ARNT2: variants seen among roughly 807,000 people sequenced by gnomAD.
ARNT2 encodes the protein aryl hydrocarbon receptor nuclear translocator 2, also known as ARNT protein 2.
A neutral mutation model predicts 91.7 loss-of-function variants in ARNT2; 36 were observed. The observed-to-expected ratio is 0.39, with a 90% CI of 0.30 to 0.52. The LOEUF (loss-of-function observed/expected upper bound fraction) is 0.52, where lower values mean the gene tolerates loss of function less well. Ranked by LOEUF, ARNT2 falls within the 20% of genes least tolerant of loss-of-function variation. The pLI is 0.72. For synonymous variants in ARNT2, 365 were observed against 347.1 expected, an observed-to-expected ratio of 1.05 and a Z score of -0.57; for missense variants, 775 against 939.3, an observed-to-expected ratio of 0.83 and a Z score of 2.29.
chr15:80,492,067 G>T (rs891316179), intron 5 of ARNT2, among the ~76,000 whole-genome samples: 1 of 151,688 alleles, frequency 6.6e-6, no homozygotes, highest in Non-Finnish European at 1.5e-5. Flanking sequence ...TCTAGACAGG[G>T]TCTTCTTTGG....
intron 8 of ARNT2, among the ~76,000 whole-genome samples, chr15:80,539,517 G>C (rs775554980): frequency 6.6e-6 from 1 of 151,924 alleles, no homozygotes. Flanking sequence ...ATATTAGAAG[G>C]GTTCTCAAAA....
At chr15:80,440,344 C>T (rs906714225) in intron 1 of ARNT2, among the ~76,000 whole-genome samples, 2 of 152,200 alleles carry the variant, frequency 1.3e-5, no homozygotes, top group Non-Finnish European at 2.9e-5. Context: ...AGAATCATAT[C>T]CTTGACAGCA....
rs1011425698 is a variant in ARNT2, at chr15:80,547,422, G to A, written c.878-3777G>A. 7.2e-5 allele frequency among the ~76,000 whole-genome samples: 11 copies of A among 152,274 alleles called. No individual in the cohort carries two copies. The East Asian group carries it at 1.5e-3, about 21-fold the overall frequency. ...AAAATTATGAGTTGTATTAAGCCCC[G>A]GATGGAAAACTTGCATAAAGCAACT... On this transcript the variant is annotated intron_variant, in intron 8 of 18. Coordinates refer to ENST00000303329, the MANE Select transcript of ARNT2 (RefSeq NM_014862.4).
chr15:80,443,912 G>C (rs569901594), intron 1 of ARNT2, among the ~76,000 whole-genome samples: 1 of 152,366 alleles, frequency 6.6e-6, no homozygotes, highest in Admixed American at 6.5e-5. Flanking sequence ...TGGTGGTTTT[G>C]CTTCATGAAG....
chr15:80,527,878 A>G (rs1897663653), intron 8 of ARNT2, among the ~76,000 whole-genome samples: 1 of 152,212 alleles, frequency 6.6e-6, no homozygotes, highest in Non-Finnish European at 1.5e-5. Context: ...ACAGGGAGAT[A>G]GCATCAGATC....
intron 3 of ARNT2, among the ~76,000 whole-genome samples, chr15:80,462,778 A>AT (rs1020674809): frequency 1.3e-5 from 2 of 152,176 alleles, no homozygotes; most frequent in African/African-American, 2.4e-5. Flanking sequence ...TGTGCCTTAT[A>AT]TTTTGTAGAG....
At chr15:80,430,722 T>A (rs1895995713) in intron 1 of ARNT2, among the ~76,000 whole-genome samples, 1 of 152,220 alleles carries the variant, frequency 6.6e-6, no homozygotes, top group Non-Finnish European at 1.5e-5. Context: ...TTTGCCTTAG[T>A]GACAGAGAAG....
intron 8 of ARNT2, among the ~76,000 whole-genome samples, chr15:80,536,149 G>C (rs4778804): frequency 0.39 from 59,296 of 151,776 alleles, 12,183 homozygotes; most frequent in African/African-American, 0.5. Flanking sequence ...AGGACACAGA[G>C]GCACGTGGAG....
intron 17 of ARNT2, among the ~76,000 whole-genome samples, chr15:80,583,789 T>C (rs2141483234): frequency 6.6e-6 from 1 of 152,342 alleles, no homozygotes; most frequent in Non-Finnish European, 1.5e-5. Context: ...CATCTGAGAC[T>C]GTGTTCCCAT....
At chr15:80,415,829 A>AGG (rs1370916290) in intron 1 of ARNT2, among the ~76,000 whole-genome samples, 4 of 152,182 alleles carry the variant, frequency 2.6e-5, no homozygotes, top group Admixed American at 2.0e-4. Context: ...ATACTGGACG[A>AGG]GATCCAGATA....
At chr15:80,570,171 G>A (rs908847757) in intron 12 of ARNT2, among the ~76,000 whole-genome samples, 1 of 152,212 alleles carries the variant, frequency 6.6e-6, no homozygotes, top group African/African-American at 2.4e-5. Context: ...AGTCATATGT[G>A]TTCCATATTC....
intron 5 of ARNT2, chr15:80,488,854 T>A (rs1258925011): frequency 2.0e-5 from 3 of 152,184 alleles, no homozygotes; most frequent in Non-Finnish European, 4.4e-5. Context: ...TGTGCAGCAC[T>A]TAGCATTCTA....
At chr15:80,524,874 CAAAAA>C (rs36043186) in intron 8 of ARNT2, among the ~76,000 whole-genome samples, 2 of 89,338 alleles carry the variant, frequency 2.2e-5, no homozygotes, top group Non-Finnish European at 4.7e-5. Flanking sequence ...GACTCTGTCT[CAAAAA>C]AAAAAAAAAA....
At chr15:80,541,330 G>T (rs994431726) in intron 8 of ARNT2, among the ~76,000 whole-genome samples, 2 of 152,004 alleles carry the variant, frequency 1.3e-5, no homozygotes, top group African/African-American at 4.8e-5. Context: ...CTTTTTAATG[G>T]GGTTATTTGG....
At chr15:80,563,279 C>A (rs375154338) in intron 12 of ARNT2, 40 bp downstream of exon 12, 3 of 1,611,814 alleles carry the variant, frequency 1.9e-6, no homozygotes, top group Non-Finnish European at 2.5e-6. Flanking sequence ...AATCCACATG[C>A]GCTTGCTTGG....
At chr15:80,508,454 T>C (rs1280755201) in intron 6 of ARNT2, among the ~76,000 whole-genome samples, 196 bp downstream of exon 6, 2 of 152,148 alleles carry the variant, frequency 1.3e-5, no homozygotes, top group Non-Finnish European at 1.5e-5. Context: ...CCTCCTACCA[T>C]CCCACTTTGT....
At chr15:80,534,009 T>C (rs1411163037) in intron 8 of ARNT2, among the ~76,000 whole-genome samples, 2 of 152,252 alleles carry the variant, frequency 1.3e-5, no homozygotes, top group Admixed American at 6.5e-5. Context: ...AAGTCCAAGT[T>C]TGTACAGAAA....
At chr15:80,496,383 A>G (rs888306018) in intron 5 of ARNT2, among the ~76,000 whole-genome samples, 1 of 152,282 alleles carries the variant, frequency 6.6e-6, no homozygotes, top group South Asian at 2.1e-4. Context: ...GTAGAGTTTG[A>G]CACAGCCTGT....
At chr15:80,516,649 A>G (rs182716001) in intron 8 of ARNT2, among the ~76,000 whole-genome samples, 1 of 151,794 alleles carries the variant, frequency 6.6e-6, no homozygotes, top group Non-Finnish European at 1.5e-5. Context: ...CATTTAGACC[A>G]GTTACATTTA....
Sources: gnomAD v4.1 joint callset for allele counts (sites outside exome capture counted in the v4.1 genomes callset) on GRCh38, gnomAD v4.1.1 for gene constraint, MANE v1.5 for transcripts, NCBI Gene and HGNC (gene_info 2026-07-23, HGNC 2026-07-21) for gene names.